R3HDM1: variants seen among roughly 807,000 people sequenced by gnomAD.
R3HDM1 encodes the protein R3H domain containing 1, also known as R3H domain-containing protein 1.
Under a neutral mutation model 141.1 loss-of-function variants are expected in R3HDM1, and 46 were observed. The ratio of observed to expected loss-of-function variants is 0.33; its 90% CI spans 0.26 to 0.42. The LOEUF (loss-of-function observed/expected upper bound fraction) is 0.42, where lower values mean the gene tolerates loss of function less well. Among genes scored for constraint, R3HDM1 ranks in the 10% least tolerant of loss-of-function variants. The pLI, the probability that R3HDM1 is intolerant of heterozygous loss-of-function variation, is 1.00. For missense variants in R3HDM1, 1,184 were observed against 1,368.3 expected (o/e 0.87, Z 2.12); for synonymous variants, 435 against 472.9 (o/e 0.92, Z 1.04).
intron 5 of R3HDM1, among the ~76,000 whole-genome samples, chr2:135,617,133 C>CTA (rs753295502): frequency 1.3e-5 from 2 of 152,030 alleles, no homozygotes; most frequent in South Asian, 4.1e-4. Flanking sequence ...ACCATCCTGG[C>CTA]TAACACGGTG....
chr2:135,686,886 C>T (rs2071436720), intron 21 of R3HDM1, among the ~76,000 whole-genome samples: 2 of 152,154 alleles, frequency 1.3e-5, no homozygotes, highest in African/African-American at 4.8e-5. Context: ...CTGCCTTATT[C>T]CACAGTATGA....
At chr2:135,604,701 G>A (rs2059905835) in intron 2 of R3HDM1, 105 bp from the exon 3 acceptor site, 1 of 856,534 alleles carries the variant, frequency 1.2e-6, no homozygotes, top group Admixed American at 2.5e-5. Context: ...TTTTGTTCCT[G>A]TCTATATTCA....
chr2:135,548,353 G>A (rs1699167944), intron 1 of R3HDM1, among the ~76,000 whole-genome samples: 1 of 152,086 alleles, frequency 6.6e-6, no homozygotes, highest in African/African-American at 2.4e-5. Context: ...TATTATAATA[G>A]TATACATCAC....
chr2:135,539,064 G>A (rs534753036), intron 1 of R3HDM1, among the ~76,000 whole-genome samples: 7 of 152,004 alleles, frequency 4.6e-5, no homozygotes, highest in Admixed American at 6.6e-5. Flanking sequence ...TTGTCCCACC[G>A]GAAGGTCTTC....
rs1287096069 is a variant in R3HDM1, at chr2:135,725,102, G to T, written c.*810G>T. ...GATGAGTGCTGGAAACTTCTTAAGT[G>T]CTTTACAGTTTGTTTTCATTGTTTG... On this transcript the variant is annotated 3_prime_UTR_variant, in exon 27 of 27. Coordinates refer to ENST00000683871, the MANE Select transcript of R3HDM1 (RefSeq NM_001378107.1). 6.6e-6 allele frequency: 1 copy of T among 151,910 alleles called. No individual in the cohort carries two copies. Among genetic ancestry groups the T allele is most frequent in the East Asian group, 1.9e-4 (1 of 5,172 alleles). The allele number at this position is 151,910 out of a possible 1,614,324, so 9.4% of individuals were successfully genotyped here. A position where few individuals can be genotyped will look rare whatever the true frequency, so the allele number is the denominator to read the frequency against.
intron 1 of R3HDM1, among the ~76,000 whole-genome samples, chr2:135,591,927 C>A (rs763136389): frequency 2.6e-5 from 4 of 152,188 alleles, no homozygotes; most frequent in Non-Finnish European, 5.9e-5. Context: ...TATTGTCTTT[C>A]CTGCACATTG....
intron 21 of R3HDM1, among the ~76,000 whole-genome samples, chr2:135,681,656 A>T (rs1282507647): frequency 6.6e-6 from 1 of 152,162 alleles, no homozygotes; most frequent in Non-Finnish European, 1.5e-5. Flanking sequence ...CGTTAGCATG[A>T]TCTGAAGATG....
rs370331569 is a variant in R3HDM1, at chr2:135,639,101, A to G, written c.1198A>G (p.Ile400Val). The change falls in exon 14 of 27, where the codon ATA becomes GTA. Residue 400 changes from isoleucine (I) to valine (V), a missense_variant. By Grantham distance (29) the Ile-to-Val change is conservative. Coordinates refer to ENST00000683871, the MANE Select transcript of R3HDM1 (RefSeq NM_001378107.1). ...TGATAGTTCTGGAAGCAGCAAAAGC[A>G]TAGGCAGGCTTTCAAAAACAGGTAT... ...RGDSSGSSKS[I>V]GRLSKTGSES... The G allele has an allele frequency of 1.2e-6, 2 of 1,614,214 alleles. No individual in the cohort carries two copies. Among genetic ancestry groups the G allele is most frequent in the Admixed American group, 3.3e-5 (2 of 60,024 alleles).
At chr2:135,672,194 T>C (rs1183674369) in intron 19 of R3HDM1, among the ~76,000 whole-genome samples, 1 of 152,244 alleles carries the variant, frequency 6.6e-6, no homozygotes, top group Non-Finnish European at 1.5e-5. Flanking sequence ...AGCTTATTTA[T>C]GCTACTTCTG....
At chr2:135,613,608 G>A (rs1214164405) in intron 3 of R3HDM1, among the ~76,000 whole-genome samples, 1 of 152,156 alleles carries the variant, frequency 6.6e-6, no homozygotes, top group East Asian at 1.9e-4. Flanking sequence ...GTTGAGGTCA[G>A]GAGGTTGAGA....
intron 21 of R3HDM1, among the ~76,000 whole-genome samples, chr2:135,683,929 AAC>A (rs2105362508): frequency 1.3e-5 from 2 of 151,548 alleles, no homozygotes; most frequent in South Asian, 4.2e-4. Flanking sequence ...GTGGCCAGGT[AAC>A]AGAGTGATAC....
chr2:135,544,255 T>C (rs1374212424), intron 1 of R3HDM1, among the ~76,000 whole-genome samples: 5 of 152,228 alleles, frequency 3.3e-5, no homozygotes, highest in Non-Finnish European at 5.9e-5. Flanking sequence ...ATTTTAAATA[T>C]ACTTATGTAG....
chr2:135,577,345 C>A, intron 1 of R3HDM1: 1 of 315,006 alleles, frequency 3.2e-6, no homozygotes, highest in Non-Finnish European at 4.3e-6. Flanking sequence ...GTATACTACA[C>A]TTGATTTTAG....
intron 18 of R3HDM1, among the ~76,000 whole-genome samples, chr2:135,654,538 T>G (rs2105287624): frequency 6.6e-6 from 1 of 152,178 alleles, no homozygotes; most frequent in South Asian, 2.1e-4. Flanking sequence ...AACCTCCGCC[T>G]GCCATGTTCA....
intron 1 of R3HDM1, among the ~76,000 whole-genome samples, chr2:135,585,217 T>C (rs1392243559): frequency 2.0e-5 from 3 of 152,256 alleles, no homozygotes; most frequent in African/African-American, 7.2e-5. Flanking sequence ...TTTAACAATC[T>C]ACTTCTAGGG....
intron 24 of R3HDM1, among the ~76,000 whole-genome samples, chr2:135,717,676 C>T (rs1266068622): frequency 6.6e-6 from 1 of 152,026 alleles, no homozygotes; most frequent in African/African-American, 2.4e-5. Flanking sequence ...ATGCAAAATC[C>T]ACATGTGAGT....
At chr2:135,634,033 A>G (rs1206828334) in intron 9 of R3HDM1, among the ~76,000 whole-genome samples, 3 of 152,220 alleles carry the variant, frequency 2.0e-5, no homozygotes, top group South Asian at 2.1e-4. Flanking sequence ...CAATGGGGCA[A>G]TCATGTGACA....
In R3HDM1 at chr2:135,712,036, TAA is replaced by T. The variant is rs2075706539; in HGVS notation, c.2736+1808_2736+1809del. On this transcript the variant is annotated intron_variant, in intron 23 of 26. Coordinates refer to ENST00000683871, the MANE Select transcript of R3HDM1 (RefSeq NM_001378107.1). ...GTTTGTATACTGAAATATTTACAAG[TAA>T]AATGCTGAGATTTGCTTTAAATACT... Among the ~76,000 whole-genome samples the T allele has an allele frequency of 5.4e-5, 8 of 147,932 alleles. No individual in the cohort carries two copies. In the South Asian group the frequency reaches 1.7e-3, roughly 32 times the overall value.
chr2:135,638,796 G>A lies in R3HDM1; in HGVS notation c.992+7G>A. ...AGAGGCGCCAGATATTTAGGTATTG[G>A]AAGCATGTTTTCAATACAGTATTGA... On this transcript the variant is annotated splice_region_variant and intron_variant, in intron 13 of 26. Transcript: ENST00000683871. The A allele has an allele frequency of 1.2e-6, 2 of 1,613,962 alleles. No individual in the cohort carries two copies. Among genetic ancestry groups the A allele is most frequent in the Non-Finnish European group, 1.7e-6 (2 of 1,179,902 alleles).
Sources: gnomAD v4.1 joint callset for allele counts (sites outside exome capture counted in the v4.1 genomes callset) on GRCh38, gnomAD v4.1.1 for gene constraint, MANE v1.5 for transcripts, NCBI Gene and HGNC (gene_info 2026-07-23, HGNC 2026-07-21) for gene names.